IL1R1: variants seen among roughly 807,000 people sequenced by gnomAD.
IL1R1 encodes the protein interleukin-1 receptor type 1.
IL1R1 carries 22 observed loss-of-function variants against 50.2 expected under a neutral mutation model. That is an observed-to-expected ratio of 0.44 (90% CI 0.31 to 0.63). IL1R1 has a LOEUF of 0.63. Among genes scored for constraint, IL1R1 ranks in the 20% least tolerant of loss-of-function variants. IL1R1 has a pLI of 0.07. For synonymous variants in IL1R1, 251 were observed against 236.7 expected, an observed-to-expected ratio of 1.06 and a Z score of -0.55; for missense variants, 509 against 676.2, an observed-to-expected ratio of 0.75 and a Z score of 2.74.
upstream of IL1R1, among the ~76,000 whole-genome samples, chr2:102,138,459 C>T (rs958245806): frequency 6.6e-6 from 1 of 152,152 alleles, no homozygotes; most frequent in South Asian, 2.1e-4. Context: ...TGCCTATGAC[C>T]GTCTTATGAA....
chr2:102,106,150 C>T (rs1256873344), intron 1 of IL1R1, among the ~76,000 whole-genome samples: 3 of 152,098 alleles, frequency 2.0e-5, no homozygotes, highest in Non-Finnish European at 4.4e-5. Context: ...GGGAAGGATG[C>T]TTCAAAAAAT....
upstream of IL1R1, among the ~76,000 whole-genome samples, chr2:102,103,556 T>C (rs1284529144): frequency 6.6e-6 from 1 of 152,134 alleles, no homozygotes; most frequent in Non-Finnish European, 1.5e-5. Context: ...AGACCAGATG[T>C]CTGAAGACCT....
intron 1 of IL1R1, among the ~76,000 whole-genome samples, chr2:102,116,961 C>T (rs1480847169): frequency 6.6e-6 from 1 of 152,130 alleles, no homozygotes; most frequent in African/African-American, 2.4e-5. Context: ...GTTTGAAAGA[C>T]TCTAATGATA....
At chr2:102,168,697 GGTTTTT>G in intron 7 of IL1R1, 34 bp downstream of exon 7, 1 of 1,185,700 alleles carries the variant, frequency 8.4e-7, no homozygotes, top group Non-Finnish European at 1.2e-6. Context: ...TGCTGGAATC[GGTTTTT>G]TTTTTTTAAA....
chr2:102,077,946 AATTAAAC>A (rs1679043437), intron 1 of IL1R1, among the ~76,000 whole-genome samples: 1 of 152,246 alleles, frequency 6.6e-6, no homozygotes, highest in Admixed American at 6.5e-5. Context: ...AATATGTGAA[AATTAAAC>A]AATATACTCT....
At chr2:102,080,969 C>A (rs539021784) in intron 1 of IL1R1, among the ~76,000 whole-genome samples, 179 of 152,308 alleles carry the variant, frequency 1.2e-3, no homozygotes, top group African/African-American at 4.2e-3. Flanking sequence ...GAAGCCCACA[C>A]ATTGTATAAT....
intron 1 of IL1R1, among the ~76,000 whole-genome samples, chr2:102,076,709 G>T (rs1281170649): frequency 2.6e-5 from 4 of 151,576 alleles, no homozygotes; most frequent in Non-Finnish European, 2.9e-5. Context: ...CTCTTCTTTG[G>T]CAGCTTTTAA....
chr2:102,134,504 G>A (rs576271871), intron 1 of IL1R1, among the ~76,000 whole-genome samples: 21 of 151,930 alleles, frequency 1.4e-4, no homozygotes, highest in Admixed American at 2.0e-4. Flanking sequence ...TCAGCCTTCC[G>A]AGTAGCTGGG....
chr2:102,089,349 G>C (rs1577815208), intron 1 of IL1R1, among the ~76,000 whole-genome samples: 1 of 152,336 alleles, frequency 6.6e-6, no homozygotes, highest in South Asian at 2.1e-4. Flanking sequence ...TAGCTGGTCT[G>C]TGGGACAGTC....
At chr2:102,078,598 A>G (rs1339474287) in intron 1 of IL1R1, among the ~76,000 whole-genome samples, 2 of 148,370 alleles carry the variant, frequency 1.3e-5, no homozygotes, top group Admixed American at 1.3e-4. Flanking sequence ...ACACACACAC[A>G]CAAGAAAAAA....
At chr2:102,109,353 C>G (rs998846599) in intron 1 of IL1R1, among the ~76,000 whole-genome samples, 1 of 150,524 alleles carries the variant, frequency 6.6e-6, no homozygotes, top group African/African-American at 2.5e-5. Flanking sequence ...GAATCTTTCT[C>G]GCAACCTTGA....
chr2:102,122,746 T>TTC (rs1255463187), intron 1 of IL1R1, among the ~76,000 whole-genome samples: 1 of 152,096 alleles, frequency 6.6e-6, no homozygotes, highest in African/African-American at 2.4e-5. Context: ...TTCCTTGCTT[T>TTC]TCTCTCTCTC....
At chr2:102,147,170 C>T (rs778801423) in intron 1 of IL1R1, among the ~76,000 whole-genome samples, 1 of 152,170 alleles carries the variant, frequency 6.6e-6, no homozygotes, top group Admixed American at 6.5e-5. Flanking sequence ...GGTCTACATC[C>T]TGAAGTATTC....
chr2:102,103,747 C>A (rs1680255538), upstream of IL1R1, among the ~76,000 whole-genome samples: 1 of 152,026 alleles, frequency 6.6e-6, no homozygotes, highest in South Asian at 2.1e-4. Flanking sequence ...GTAACCCCAG[C>A]ACTTTGGGAG....
rs1685803348 is a variant in IL1R1 at position 102,172,787 on chromosome 2, G to A, written c.940G>A (p.Ala314Thr). 9.9e-6 allele frequency: 16 copies of A among 1,611,890 alleles called. No homozygotes were observed. Among genetic ancestry groups the A allele is most frequent in the Non-Finnish European group, 1.4e-5 (16 of 1,178,118 alleles). ...RFYKHPFTCF[A>T]KNTHGIDAAY... ...TTATAAACATCCATTTACCTGTTTT[G>A]CCAAGAATACACATGGTATAGATGC... The change falls in exon 9 of 12, where the codon GCC becomes ACC. Residue 314 changes from alanine to threonine, a missense_variant. Physicochemically the swap from Ala to Thr is moderately conservative, Grantham distance 58 (BLOSUM62 0). Coordinates refer to ENST00000410023, the MANE Select transcript of IL1R1 (RefSeq NM_000877.4).
chr2:102,148,738 T>A (rs1401183398), intron 1 of IL1R1, among the ~76,000 whole-genome samples: 1 of 152,200 alleles, frequency 6.6e-6, no homozygotes, highest in Non-Finnish European at 1.5e-5. Flanking sequence ...GGTCTAAAGT[T>A]TTTTCCATAA....
chr2:102,168,114 T>C (rs13020778), intron 6 of IL1R1, among the ~76,000 whole-genome samples: 84,214 of 152,016 alleles, frequency 0.55, 25,739 homozygotes, highest in African/African-American at 0.83. Flanking sequence ...TTCTGGGGCT[T>C]CTTGATACTT....
chr2:102,109,723 A>G (rs1680636288), intron 1 of IL1R1, among the ~76,000 whole-genome samples: 1 of 152,116 alleles, frequency 6.6e-6, no homozygotes, highest in Non-Finnish European at 1.5e-5. Context: ...GGACCATCCA[A>G]TTTATCACAC....
At chr2:102,106,009 G>A (rs1250856829) in intron 1 of IL1R1, among the ~76,000 whole-genome samples, 1 of 152,100 alleles carries the variant, frequency 6.6e-6, no homozygotes, top group Non-Finnish European at 1.5e-5. Context: ...GAAAGATTAA[G>A]GAAAGAAAAT....
Sources: allele counts gnomAD v4.1 joint callset (sites outside exome capture counted in the v4.1 genomes callset), GRCh38; gene constraint gnomAD v4.1.1; transcripts MANE v1.5; gene names NCBI Gene and HGNC (gene_info 2026-07-23, HGNC 2026-07-21).